Variants in EXOSC9 observed in about 807,000 individuals in gnomAD.
EXOSC9 encodes the protein exosome complex component RRP45.
EXOSC9 carries 38 observed loss-of-function variants against 56.5 expected under a neutral mutation model. The ratio of observed to expected loss-of-function variants is 0.67; its 90% CI spans 0.52 to 0.88. EXOSC9 has a LOEUF of 0.88. Ranked by LOEUF, EXOSC9 falls within the 40% of genes least tolerant of loss-of-function variation. EXOSC9 has a pLI of 0.00. For synonymous variants in EXOSC9, 170 were observed against 170.8 expected (o/e 0.99, Z 0.04); for missense variants, 559 against 530.5 (o/e 1.05, Z -0.53).
At chr4:121,810,210 A>G (rs1447882130) in intron 7 of EXOSC9, 111 bp downstream of exon 7, 16 of 963,660 alleles carry the variant, frequency 1.7e-5, no homozygotes, top group Non-Finnish European at 2.4e-5. Context: ...TTATTCTAGG[A>G]TGTGTTAGAA....
chr4:121,808,367 T>G (rs982100967), intron 6 of EXOSC9, among the ~76,000 whole-genome samples: 26 of 152,160 alleles, frequency 1.7e-4, no homozygotes, highest in African/African-American at 6.0e-4. Context: ...TCTTATTTTC[T>G]TCTTTTTTTT....
intron 8 of EXOSC9, among the ~76,000 whole-genome samples, chr4:121,812,041 T>C (rs1183686243): frequency 6.6e-6 from 1 of 152,202 alleles, no homozygotes; most frequent in Non-Finnish European, 1.5e-5. Context: ...TGCTCCTTAT[T>C]AACACTGCTA....
In EXOSC9 at chr4:121,802,711, A is replaced by C; in HGVS notation, c.199A>C (p.Lys67Gln). The C allele has an allele frequency of 6.2e-7, 1 of 1,614,152 alleles. No individual in the cohort carries two copies. Among genetic ancestry groups the C allele is most frequent in the Non-Finnish European group, 8.5e-7 (1 of 1,180,006 alleles). ...GGTTTCCTGTGAACTTGTGTCTCCA[A>C]AACTCAATCGGGCAACAGAAGGTAT... ...GQVSCELVSP[K>Q]LNRATEGILF... Residue 67 changes from lysine (K) to glutamine (Q), a missense_variant, in exon 3 of 12, where the codon AAA becomes CAA. Transcript: ENST00000243498.
intron 11 of EXOSC9, 44 bp downstream of exon 11, chr4:121,816,491 C>CACTT (rs1238516431): frequency 8.1e-7 from 1 of 1,240,614 alleles, no homozygotes; most frequent in South Asian, 1.4e-5. Context: ...ATATACTCAA[C>CACTT]ACTTATAGAG....
Position 121,810,077 on chromosome 4 carries a change from G to A in EXOSC9, c.716G>A (p.Gly239Glu), listed in dbSNP as rs747544562. Residue 239 changes from glycine (G) to glutamate (E), a missense_variant, in exon 7 of 12, where the codon GGG (glycine) becomes GAG (glutamate). Transcript: ENST00000243498. ...REICTIQSSG[G>E]IMLLKDQVLR... is the part of the protein sequence containing the mutation. ...ATTTGTACTATCCAGTCCAGTGGTG[G>A]GATAATGCTACTAAAAGATCAAGTT... 6.8e-6 allele frequency: 11 copies of A among 1,613,628 alleles called. No individual in the cohort carries two copies. In the Admixed American group the frequency reaches 8.3e-5, roughly 12 times the overall value.
Position 121,804,767 on chromosome 4 carries a change from C to G in EXOSC9, c.522+8C>G. 1 of 1,587,238 alleles carries G rather than the reference C, an allele frequency of 6.3e-7. No homozygotes were observed. Among genetic ancestry groups the G allele is most frequent in the South Asian group, 1.2e-5 (1 of 86,590 alleles). On this transcript the variant is annotated splice_region_variant and intron_variant, in intron 5 of 11. Transcript: ENST00000243498. ...GGAGATGAAGTAACACTGGTAAGCT[C>G]CTATGTGAACCAGGATCCTTGATAT...
chr4:121,802,581 C>T (rs1578496104), intron 2 of EXOSC9, 93 bp from the exon 3 acceptor site: 1 of 1,206,756 alleles, frequency 8.3e-7, no homozygotes, highest in Non-Finnish European at 1.2e-6. Context: ...TATGATATTA[C>T]TCACATTAAG....
rs904091752 is a variant in EXOSC9, at chr4:121,813,784, CAAG to C, written c.975-76_975-74del. The C allele has an allele frequency of 2.4e-5, 25 of 1,044,248 alleles. No individual in the cohort carries two copies. The South Asian group carries it at 3.6e-4, about 15-fold the overall frequency. 64.7% of individuals were successfully genotyped at this position (1,044,248 alleles called of 1,614,324 possible). A position where few individuals can be genotyped will look rare whatever the true frequency, so the allele number is the denominator to read the frequency against. On this transcript the variant is annotated intron_variant, in intron 9 of 11. Coordinates refer to ENST00000243498, the MANE Select transcript of EXOSC9 (RefSeq NM_005033.3). ...TTGGGGCACACTTGAATCAATCTTA[CAAG>C]AAGAAAACTTTCATTCTCATCTTCA...
At chr4:121,816,080 C>A in intron 10 of EXOSC9, 1 of 704,182 alleles carries the variant, frequency 1.4e-6, no homozygotes, top group South Asian at 2.4e-5. Context: ...GCCTCAGCCT[C>A]GAGTAGCTGG....
In EXOSC9 at chr4:121,816,413, A is replaced by G. The variant is rs1369991664; in HGVS notation, c.1201A>G (p.Ile401Val). 4 of 1,579,900 alleles carry G rather than the reference A, an allele frequency of 2.5e-6. No individual in the cohort carries two copies. Among genetic ancestry groups the G allele is most frequent in the Non-Finnish European group, 2.6e-6 (3 of 1,164,606 alleles). ...AGATAGTGAAGAAGAAGAAATGATC[A>G]TTTTGGAACCAGACAAGAATCCAAA... Reference protein sequence around the residue: ...LSDSEEEEMIILEPDKNPKKI... With the variant: ...LSDSEEEEMIVLEPDKNPKKI... The change falls in exon 11 of 12, where the codon ATT (isoleucine) becomes GTT (valine). Residue 401 changes from isoleucine (I) to valine (V), a missense_variant. Ile to Val is a conservative substitution (Grantham distance 29). Transcript: ENST00000243498.
At chr4:121,811,039 G>A (rs1249562679) in intron 7 of EXOSC9, among the ~76,000 whole-genome samples, 1 of 151,906 alleles carries the variant, frequency 6.6e-6, no homozygotes, top group African/African-American at 2.4e-5. Flanking sequence ...ATGATTAAAA[G>A]CTTCTTTAGT....
chr4:121,801,668 CGCA>C (rs1272419800), intron 1 of EXOSC9, 156 bp from the exon 2 acceptor site: 1 of 779,950 alleles, frequency 1.3e-6, no homozygotes, highest in Non-Finnish European at 2.2e-6. Flanking sequence ...CTCCAGTCAC[CGCA>C]GCAGTTGTCC....
intron 11 of EXOSC9, 140 bp downstream of exon 11, chr4:121,816,587 T>G (rs13117986): frequency 1.2e-6 from 1 of 814,932 alleles, no homozygotes; most frequent in African/African-American, 1.8e-5. Context: ...ATCTGTTCTG[T>G]GATTTTTTTA....
intron 11 of EXOSC9, 103 bp from the exon 12 acceptor site, chr4:121,816,669 T>A (rs1371097763): frequency 1.7e-6 from 2 of 1,190,436 alleles, no homozygotes; most frequent in South Asian, 1.7e-5. Flanking sequence ...TACTCATAGC[T>A]GACACATTTT....
Position 121,811,064 on chromosome 4 carries a change from TGCC to T in EXOSC9, c.739-518_739-516del, listed in dbSNP as rs373444305. Among the ~76,000 whole-genome samples, 61 of 152,344 alleles carry T rather than the reference TGCC, an allele frequency of 4.0e-4. 1 individual carries two copies. Among genetic ancestry groups the T allele is most frequent in the South Asian group, 2.9e-3 (14 of 4,830 alleles). On this transcript the variant is annotated intron_variant, in intron 7 of 11. Coordinates refer to ENST00000243498, the MANE Select transcript of EXOSC9 (RefSeq NM_005033.3). ...GCTTCTTTAGTTTGAATTCTAGTTC[TGCC>T]CCCATACTAGCTGATCTTGGGCAAA...
chr4:121,806,215 T>G (rs1416417556), intron 5 of EXOSC9, among the ~76,000 whole-genome samples: 1 of 152,074 alleles, frequency 6.6e-6, no homozygotes, highest in Non-Finnish European at 1.5e-5. Flanking sequence ...TACAATGGCG[T>G]GATCTCGGCT....
At chr4:121,802,050 ATTTT>A in intron 2 of EXOSC9, 129 bp downstream of exon 2, 1 of 678,202 alleles carries the variant, frequency 1.5e-6, no homozygotes, top group South Asian at 1.9e-5. Context: ...AAAAATAAGT[ATTTT>A]TTTATGCGAG....
intron 2 of EXOSC9, 72 bp from the exon 3 acceptor site, chr4:121,802,599 CTTG>C: frequency 6.9e-7 from 1 of 1,448,540 alleles, no homozygotes; most frequent in Non-Finnish European, 9.5e-7. Context: ...AAGATTGAAA[CTTG>C]TTATCTGTTT....
Position 121,816,350 on chromosome 4 carries a change from AATT to A in EXOSC9, c.1157-17_1157-15del. On this transcript the variant is annotated splice_polypyrimidine_tract_variant and intron_variant, in intron 10 of 11. Transcript: ENST00000243498. ...TGCTTAACTTTTTTTTTTTTTTTTA[AATT>A]AATAAAAAAACAAAGATGCTCCCAT... 7.4e-7 allele frequency: 1 copy of A among 1,356,770 alleles called. No individual in the cohort carries two copies. Among genetic ancestry groups the A allele is most frequent in the Non-Finnish European group, 1.0e-6 (1 of 995,980 alleles). The allele number at this position is 1,356,770 out of a possible 1,614,324, so 84.0% of individuals were successfully genotyped here. A position where few individuals can be genotyped will look rare whatever the true frequency, so the allele number is the denominator to read the frequency against.
Sources: gnomAD v4.1 joint callset for allele counts (sites outside exome capture counted in the v4.1 genomes callset) on GRCh38, gnomAD v4.1.1 for gene constraint, MANE v1.5 for transcripts, NCBI Gene and HGNC (gene_info 2026-07-23, HGNC 2026-07-21) for gene names.